The following LRTM2 variants were observed in gnomAD, a reference collection of about 807,000 sequenced individuals.
The protein encoded by LRTM2 is leucine rich repeat transmembrane protein 2.
A neutral mutation model predicts 28.1 loss-of-function variants in LRTM2; 18 were observed. That is an observed-to-expected ratio of 0.64 (90% CI 0.44 to 0.95). The LOEUF is 0.95. LRTM2 is among the 40% of genes least tolerant of loss of function. The pLI is 0.00. For synonymous variants in LRTM2, 250 were observed against 218.7 expected (o/e 1.14, Z -1.26); for missense variants, 436 against 497.2 (o/e 0.88, Z 1.17).
rs1864424041 is a variant in LRTM2, at chr12:1,827,987, G to A, written c.-73-89G>A. ...AGGAACAGGAGAGGGCATGAGGAGT[G>A]TAAAGAGACACCCGGGCCCTCTCCC... On this transcript the variant is annotated intron_variant, in intron 2 of 4. Transcript: ENST00000299194. 4 of 519,648 alleles carry A rather than the reference G, an allele frequency of 7.7e-6. No homozygotes were observed. In the South Asian group the frequency reaches 9.4e-5, roughly 12 times the overall value. The allele number at this position is 519,648 out of a possible 1,614,324, so 32.2% of individuals were successfully genotyped here.
intron 3 of LRTM2, among the ~76,000 whole-genome samples, chr12:1,830,039 G>A (rs551448108): frequency 4.6e-5 from 7 of 152,318 alleles, no homozygotes; most frequent in African/African-American, 7.2e-5. Context: ...TGCTCGCTAC[G>A]CAGAAGGGTC....
intron 1 of LRTM2, among the ~76,000 whole-genome samples, chr12:1,823,719 TGTCTTGCTTGCATCTCA>T (rs1168470439): frequency 6.6e-6 from 1 of 152,220 alleles, no homozygotes; most frequent in East Asian, 1.9e-4. Context: ...GAGGAGAACC[TGTCTTGCTTGCATCTCA>T]GTCCAGCAAG....
chr12:1,830,834 T>C, intron 3 of LRTM2, 101 bp from the exon 4 acceptor site: 1 of 988,228 alleles, frequency 1.0e-6, no homozygotes, highest in Non-Finnish European at 1.5e-6. Context: ...CCAAAGGAGA[T>C]AAAGCCAAGA....
In LRTM2 at chr12:1,831,036, C is replaced by G; in HGVS notation, c.169C>G (p.Leu57Val). Residue 57 changes from leucine to valine, a missense_variant, in exon 4 of 5, where the codon CTT becomes GTT. By Grantham distance (32) the Leu-to-Val change is conservative. Transcript: ENST00000299194. The part of the protein sequence containing the change: ...SRSLEVDCSG[L>V]GLTTVPPDVP... ...CAGCCTGGAGGTGGACTGCAGTGGC[C>G]TTGGCCTCACCACGGTGCCCCCAGA... The G allele has an allele frequency of 6.2e-7, 1 of 1,614,116 alleles. No individual in the cohort carries two copies. Among genetic ancestry groups the G allele is most frequent in the Non-Finnish European group, 8.5e-7 (1 of 1,180,042 alleles).
At position 1,830,965 on chromosome 12, in the gene LRTM2, T is replaced by C; in HGVS notation, c.98T>C (p.Val33Ala). 1.2e-6 allele frequency: 2 copies of C among 1,612,702 alleles called. No homozygotes were observed. The highest frequency in any genetic ancestry group is 1.7e-6 in the Non-Finnish European group (2 of 1,179,182). The change falls in exon 4 of 5, where the codon GTG (valine) becomes GCG (alanine). Residue 33 changes from valine (V) to alanine (A), a missense_variant. Coordinates refer to ENST00000299194, the MANE Select transcript of LRTM2 (RefSeq NM_001039029.3). ...WITCWIALYA[V>A]EALPTCPFSC... Reference sequence around the variant, plus strand: ...ACCTGCTGGATCGCCCTGTATGCTGTGGAGGCCCTCCCCACCTGCCCTTTC... The same window carrying C: ...ACCTGCTGGATCGCCCTGTATGCTGCGGAGGCCCTCCCCACCTGCCCTTTC...
rs2154446880 is a variant in LRTM2, at chr12:1,828,091, C to T, written c.-58C>T. 1.4e-6 allele frequency: 2 copies of T among 1,445,946 alleles called. No homozygotes were observed. The highest frequency in any genetic ancestry group is 2.5e-5 in the Admixed American group (1 of 39,488). 89.6% of individuals were successfully genotyped at this position (1,445,946 alleles called of 1,614,324 possible). ...CCTCCCTCAGGACTGACAGGCGGCGCACCCAGGGGCTCCTCTCTCCCCAGA... is the reference window on the plus strand; with the variant it reads ...CCTCCCTCAGGACTGACAGGCGGCGTACCCAGGGGCTCCTCTCTCCCCAGA... On this transcript the variant is annotated 5_prime_UTR_variant, in exon 3 of 5. Transcript: ENST00000299194. The surrounding 1 kb of genome is among the most constrained non-coding windows in gnomAD (Gnocchi z 4.2).
intron 1 of LRTM2, among the ~76,000 whole-genome samples, chr12:1,822,849 C>T (rs561804416): frequency 6.6e-6 from 1 of 152,252 alleles, no homozygotes; most frequent in South Asian, 2.1e-4. Flanking sequence ...GCCTCCCCTG[C>T]GTCCTGGCCA....
At chr12:1,830,902 G>A (rs372296682) in intron 3 of LRTM2, 33 bp from the exon 4 acceptor site, 18 of 1,550,112 alleles carry the variant, frequency 1.2e-5, no homozygotes, top group Non-Finnish European at 1.6e-5. Flanking sequence ...CCGTCCTATT[G>A]CTTTCTTTCC....
At chr12:1,826,348 C>T (rs1864315114) in intron 1 of LRTM2, among the ~76,000 whole-genome samples, 1 of 151,138 alleles carries the variant, frequency 6.6e-6, no homozygotes, top group South Asian at 2.1e-4. Flanking sequence ...AGCTGAGGCC[C>T]AGAGGCTTTA....
chr12:1,826,345 G>C (rs921333906), intron 1 of LRTM2, among the ~76,000 whole-genome samples: 1 of 151,248 alleles, frequency 6.6e-6, no homozygotes, highest in Admixed American at 6.6e-5. Context: ...AGAAGCTGAG[G>C]CCCAGAGGCT....
chr12:1,822,490 G>A (rs75322543), intron 1 of LRTM2, among the ~76,000 whole-genome samples: 2,350 of 146,788 alleles, frequency 0.016, 53 homozygotes, highest in African/African-American at 0.055. Flanking sequence ...CCCTGAGCCC[G>A]GCCCCAGGGC....
At chr12:1,823,187 G>A (rs114788731) in intron 1 of LRTM2, 1,652 of 152,696 alleles carry the variant, frequency 0.011, 33 homozygotes, top group African/African-American at 0.036. Context: ...GGCCCGATGG[G>A]CATTATCTGG....
At position 1,834,756 on chromosome 12, in the gene LRTM2, G is replaced by A. The variant is rs1864783329; in HGVS notation, c.*35G>A. 7 of 1,552,534 alleles carry A rather than the reference G, an allele frequency of 4.5e-6. No homozygotes were observed. Among genetic ancestry groups the A allele is most frequent in the Non-Finnish European group, 4.3e-6 (5 of 1,152,280 alleles). On this transcript the variant is annotated 3_prime_UTR_variant, in exon 5 of 5. Coordinates refer to ENST00000299194, the MANE Select transcript of LRTM2 (RefSeq NM_001039029.3). This position sits in a 1 kb window ranked among gnomAD's most constrained non-coding sequence, Gnocchi z 7.6. ...CCCACCCGGCCAGGTAGGAAGGGCGGGGAGAGCACACGGCATTGCTCAGCC... is the reference window on the plus strand; with the variant it reads ...CCCACCCGGCCAGGTAGGAAGGGCGAGGAGAGCACACGGCATTGCTCAGCC...
Position 1,836,538 on chromosome 12 carries a change from A to T in LRTM2, c.*1817A>T, listed in dbSNP as rs1035179928. 7 of 152,350 alleles carry T rather than the reference A, an allele frequency of 4.6e-5. No individual in the cohort carries two copies. The highest frequency in any genetic ancestry group is 3.3e-4 in the Admixed American group (5 of 15,278). 9.4% of individuals were successfully genotyped at this position (152,350 alleles called of 1,614,324 possible). On this transcript the variant is annotated 3_prime_UTR_variant, in exon 5 of 5. Coordinates refer to ENST00000299194, the MANE Select transcript of LRTM2 (RefSeq NM_001039029.3). ...AGAGGACGCCTGGCATGGGCTGCTT[A>T]CTGGGACCCCAGGCGGCCCTGGCCA...
Position 1,834,434 on chromosome 12 carries a change from C to T in LRTM2, c.826C>T (p.Pro276Ser), listed in dbSNP as rs1249337592. 12 of 1,612,506 alleles carry T rather than the reference C, an allele frequency of 7.4e-6. No individual in the cohort carries two copies. Among genetic ancestry groups the T allele is most frequent in the Admixed American group, 1.7e-5 (1 of 59,996 alleles). The change falls in exon 5 of 5, where the codon CCT (proline) becomes TCT (serine). Residue 276 changes from proline (P) to serine (S), a missense_variant. Pro to Ser is a moderately conservative substitution (Grantham distance 74). Coordinates refer to ENST00000299194, the MANE Select transcript of LRTM2 (RefSeq NM_001039029.3). This position sits in a 1 kb window ranked among gnomAD's most constrained non-coding sequence, Gnocchi z 7.6. ...ACCCTGCACCAAGGCCAGTCCAGAG[C>T]CTGCTAAGCCCAAGCCCGGGGCTGA... is the stretch of plus-strand genomic sequence containing the variant. ...GPPCTKASPE[P>S]AKPKPGAEPE...
In LRTM2 at chr12:1,828,636, G is replaced by C. The variant is rs117625848; in HGVS notation, c.67+421G>C. ...TGCTCCCGTGGGGAACTGCCCCCTT[G>C]GCTGGCCTCGGCCAGGAGCTGGGTC... On this transcript the variant is annotated intron_variant, in intron 3 of 4. Transcript: ENST00000299194. This position sits in a 1 kb window ranked among gnomAD's most constrained non-coding sequence, Gnocchi z 4.2. Among the ~76,000 whole-genome samples the C allele has an allele frequency of 0.019, 2,892 of 152,304 alleles. 42 individuals carry two copies. The highest frequency in any genetic ancestry group is 0.03 in the Non-Finnish European group (2,022 of 68,016).
rs1864627132 is a variant in LRTM2, at chr12:1,831,448, A to T, written c.581A>T (p.Gln194Leu). Reference sequence around the variant, plus strand: ...CCCCTAGCAAACCTGCAGCTGCTGCAGGTCGGGGATAACCCCTGGGAGTGT... The same window carrying T: ...CCCCTAGCAAACCTGCAGCTGCTGCTGGTCGGGGATAACCCCTGGGAGTGT... The part of the protein sequence containing the change: ...FEPLANLQLL[Q>L]VGDNPWECDC... Residue 194 changes from glutamine to leucine, a missense_variant, in exon 4 of 5, where the codon CAG (glutamine) becomes CTG (leucine). Physicochemically the swap from Gln to Leu is moderately radical, Grantham distance 113 (BLOSUM62 -2). Transcript: ENST00000299194. 1.2e-6 allele frequency: 2 copies of T among 1,613,998 alleles called. No individual in the cohort carries two copies. Among genetic ancestry groups the T allele is most frequent in the African/African-American group, 1.3e-5 (1 of 74,932 alleles).
chr12:1,830,390 C>T (rs558184144), intron 3 of LRTM2, among the ~76,000 whole-genome samples: 13 of 152,322 alleles, frequency 8.5e-5, no homozygotes, highest in African/African-American at 2.6e-4. Context: ...TTTGTGCTCT[C>T]GCCTTTCCAT....
In LRTM2 at chr12:1,831,231, C is replaced by T; in HGVS notation, c.364C>T (p.Gln122Ter). 1 of 1,613,864 alleles carries T rather than the reference C, an allele frequency of 6.2e-7. No individual in the cohort carries two copies. The highest frequency in any genetic ancestry group is 8.5e-7 in the Non-Finnish European group (1 of 1,180,044). ...FGDLTNLTELQLRNNSIRTLD... is the reference protein window; with the variant it reads ...FGDLTNLTEL ...GGACCTGACGAATCTGACTGAGCTTCAGCTGCGCAATAACAGCATCAGGAC... is the reference window on the plus strand; with the variant it reads ...GGACCTGACGAATCTGACTGAGCTTTAGCTGCGCAATAACAGCATCAGGAC... The change falls in exon 4 of 5, where the codon CAG becomes TAG. Residue 122 changes from glutamine (Q) to a stop codon, truncating the protein, a stop_gained. Transcript: ENST00000299194. LOFTEE classifies it high-confidence loss of function.
Sources: allele counts gnomAD v4.1 joint callset (sites outside exome capture counted in the v4.1 genomes callset), GRCh38; gene constraint gnomAD v4.1.1; non-coding constraint Gnocchi (gnomAD v3.1); transcripts MANE v1.5; gene names NCBI Gene and HGNC (gene_info 2026-07-23, HGNC 2026-07-21).